ERBIN: variants seen among roughly 807,000 people sequenced by gnomAD.
ERBIN encodes densin-180-like protein.
ERBIN carries 60 observed loss-of-function variants against 158.4 expected under a neutral mutation model. The observed-to-expected ratio is 0.38, with a 90% CI of 0.31 to 0.47. The LOEUF is 0.47. Among genes scored for constraint, ERBIN ranks in the 20% least tolerant of loss-of-function variants. The probability of loss-of-function intolerance (pLI) is 0.99; values close to 1 mark genes in which losing one functional copy is unlikely to be tolerated. For missense variants in ERBIN, 1,610 were observed against 1,648.0 expected, an observed-to-expected ratio of 0.98 and a Z score of 0.40; for synonymous variants, 594 against 557.2, an observed-to-expected ratio of 1.07 and a Z score of -0.93.
intron 1 of ERBIN, among the ~76,000 whole-genome samples, chr5:65,943,099 ATTG>A (rs1561275837): frequency 6.6e-6 from 1 of 152,182 alleles, no homozygotes; most frequent in African/African-American, 2.4e-5. Flanking sequence ...GCTAAAGTCT[ATTG>A]TTTATATTAG....
chr5:65,952,055 C>T (rs373738018), intron 1 of ERBIN, among the ~76,000 whole-genome samples: 38 of 152,292 alleles, frequency 2.5e-4, no homozygotes, highest in African/African-American at 8.9e-4. Context: ...ACAATTCAGA[C>T]ATTAGGACTC....
chr5:65,994,409 C>T (rs1752200787), intron 3 of ERBIN, among the ~76,000 whole-genome samples: 2 of 152,132 alleles, frequency 1.3e-5, no homozygotes, highest in South Asian at 4.1e-4. Context: ...TTAAATAGGG[C>T]TTTCATTTTG....
intron 4 of ERBIN, among the ~76,000 whole-genome samples, chr5:66,008,717 C>T (rs1391782867): frequency 3.3e-5 from 5 of 152,040 alleles, no homozygotes; most frequent in African/African-American, 1.2e-4. Context: ...ATTTTAATAA[C>T]AACCAATAAA....
intron 4 of ERBIN, among the ~76,000 whole-genome samples, chr5:66,001,879 G>A (rs1312820572): frequency 6.6e-6 from 1 of 152,026 alleles, no homozygotes; most frequent in Non-Finnish European, 1.5e-5. Context: ...CACGTGCCAT[G>A]GTGGTTTGCT....
intron 21 of ERBIN, among the ~76,000 whole-genome samples, chr5:66,069,197 C>A (rs1370295293): frequency 6.6e-6 from 1 of 152,214 alleles, no homozygotes; most frequent in Non-Finnish European, 1.5e-5. Flanking sequence ...AATTCATTAT[C>A]TCCTGAGTTT....
chr5:65,946,627 A>G (rs1745780895), intron 1 of ERBIN, among the ~76,000 whole-genome samples: 1 of 152,168 alleles, frequency 6.6e-6, no homozygotes, highest in South Asian at 2.1e-4. Context: ...TGAACATCCC[A>G]GTTTTCACTG....
chr5:66,048,544 T>C, intron 18 of ERBIN, 123 bp from the exon 19 acceptor site: 1 of 636,860 alleles, frequency 1.6e-6, no homozygotes. Context: ...TATTGCCGTA[T>C]CTTGAAAAGG....
At position 65,978,704 on chromosome 5, in the gene ERBIN, T is replaced by C. The variant is rs1218926413; in HGVS notation, c.-57-9931T>C. ...ATGACAGTGTGGGCTTTAGGGAAGA[T>C]GTGGGACTCTGACAGAGCCTCAAAG... On this transcript the variant is annotated intron_variant, in intron 1 of 25. Transcript: ENST00000284037. 2.6e-5 allele frequency among the ~76,000 whole-genome samples: 4 copies of C among 152,228 alleles called. No individual in the cohort carries two copies. In the East Asian group the frequency reaches 7.7e-4, roughly 29 times the overall value.
At chr5:66,038,314 C>T in intron 14 of ERBIN, 69 bp from the exon 15 acceptor site, 1 of 983,432 alleles carries the variant, frequency 1.0e-6, no homozygotes, top group Admixed American at 2.2e-5. Flanking sequence ...TGTACTTATG[C>T]AGAGGAATTG....
At chr5:65,931,579 T>C (rs1743376706) in intron 1 of ERBIN, among the ~76,000 whole-genome samples, 1 of 152,236 alleles carries the variant, frequency 6.6e-6, no homozygotes, top group African/African-American at 2.4e-5. Context: ...TGCATGTTAG[T>C]GTAACATTGT....
In ERBIN at chr5:66,053,629, A is replaced by G; in HGVS notation, c.2311A>G (p.Ile771Val). ...TATCAATATGAATCTTAATAAACTT[A>G]TAACTAATGATACATTTCAACCAGA... ...DHINMNLNKL[I>V]TNDTFQPEIM... The change falls in exon 21 of 26, where the codon ATA becomes GTA. Residue 771 changes from isoleucine (I) to valine (V), a missense_variant. By Grantham distance (29) the Ile-to-Val change is conservative. Around this residue, in one of 2 missense-constraint regions of ERBIN, gnomAD observed 1,014 missense variants for 936.1 expected, o/e 1.08. Transcript: ENST00000284037. 1 of 1,612,252 alleles carries G rather than the reference A, an allele frequency of 6.2e-7. No individual in the cohort carries two copies. Among genetic ancestry groups the G allele is most frequent in the East Asian group, 2.2e-5 (1 of 44,842 alleles).
chr5:65,951,507 G>T (rs923114591), intron 1 of ERBIN, among the ~76,000 whole-genome samples: 2 of 152,158 alleles, frequency 1.3e-5, no homozygotes, highest in African/African-American at 4.8e-5. Context: ...GAAATGGTGT[G>T]TATTTTTAGG....
At chr5:66,015,208 CA>C (rs1232172463) in intron 7 of ERBIN, among the ~76,000 whole-genome samples, 1 of 149,168 alleles carries the variant, frequency 6.7e-6, no homozygotes, top group African/African-American at 2.5e-5. Context: ...AATCCAGGAG[CA>C]AAAAAAAAGA....
intron 19 of ERBIN, 59 bp from the exon 20 acceptor site, chr5:66,050,724 A>G (rs1758933951): frequency 2.2e-5 from 26 of 1,167,274 alleles, no homozygotes; most frequent in Non-Finnish European, 3.1e-5. Context: ...CATCACTGAA[A>G]AGAATTTCAC....
chr5:66,002,954 C>T (rs1426834729), intron 4 of ERBIN, among the ~76,000 whole-genome samples: 1 of 152,198 alleles, frequency 6.6e-6, no homozygotes, highest in Admixed American at 6.5e-5. Context: ...CTGGTGATTT[C>T]TGGCCACTGC....
At chr5:66,018,586 T>A (rs188381374) in intron 7 of ERBIN, among the ~76,000 whole-genome samples, 2,748 of 7,666 alleles carry the variant, frequency 0.36, 1,156 homozygotes, top group Non-Finnish European at 0.55. Context: ...ATAATATATA[T>A]TATATAATAT....
At chr5:66,062,356 C>T (rs186633637) in intron 21 of ERBIN, among the ~76,000 whole-genome samples, 117 of 152,332 alleles carry the variant, frequency 7.7e-4, no homozygotes, top group African/African-American at 1.7e-3. Context: ...CTTGTGCATT[C>T]GTCACATAGT....
chr5:65,938,250 A>G (rs938096603), intron 1 of ERBIN, among the ~76,000 whole-genome samples: 1 of 152,202 alleles, frequency 6.6e-6, no homozygotes, highest in Admixed American at 6.5e-5. Flanking sequence ...AAAGGAAGCA[A>G]TTGAGTTTCA....
chr5:66,019,907 A>T (rs1755504297), intron 7 of ERBIN, among the ~76,000 whole-genome samples: 2 of 152,072 alleles, frequency 1.3e-5, no homozygotes, highest in Admixed American at 1.3e-4. Context: ...CTTCCTCCTC[A>T]CAATCTTCTT....
Sources: allele counts gnomAD v4.1 joint callset (sites outside exome capture counted in the v4.1 genomes callset), GRCh38; gene constraint gnomAD v4.1.1; regional missense constraint gnomAD v4.1.1; transcripts MANE v1.5; gene names NCBI Gene and HGNC (gene_info 2026-07-23, HGNC 2026-07-21).